Variants in CNOT2 observed in about 807,000 individuals in gnomAD.
CNOT2 encodes the protein CCR4-NOT transcription complex subunit 2, also known as CC chemokine receptor 4-negative regulator of transcription 2.
In CNOT2, 7 loss-of-function variants were observed where a neutral mutation model predicts 72.1. The ratio of observed to expected loss-of-function variants is 0.10; its 90% CI spans 0.06 to 0.18. The LOEUF (loss-of-function observed/expected upper bound fraction) is 0.18. CNOT2 is among the 10% of genes least tolerant of loss of function. CNOT2 has a pLI of 1.00. For synonymous variants in CNOT2, 196 were observed against 225.6 expected (o/e 0.87, Z 1.17); for missense variants, 345 against 660.3 (o/e 0.52, Z 5.23).
intron 15 of CNOT2, among the ~76,000 whole-genome samples, chr12:70,346,930 C>T (rs1882245247): frequency 6.8e-6 from 1 of 147,266 alleles, no homozygotes; most frequent in East Asian, 2.0e-4. Context: ...AGTGTCAATG[C>T]ATATTTCATA....
At chr12:70,284,838 G>C (rs907305696) in intron 2 of CNOT2, among the ~76,000 whole-genome samples, 3 of 152,158 alleles carry the variant, frequency 2.0e-5, no homozygotes, top group Non-Finnish European at 4.4e-5. Context: ...AGCACCCTTA[G>C]TGAATTGGTA....
chr12:70,274,364 T>G (rs1868402577), intron 1 of CNOT2, among the ~76,000 whole-genome samples: 1 of 152,092 alleles, frequency 6.6e-6, no homozygotes, highest in Non-Finnish European at 1.5e-5. Context: ...TGAGCTCCAG[T>G]GAAATCGGTC....
At chr12:70,250,987 C>T (rs1378197267) in intron 1 of CNOT2, among the ~76,000 whole-genome samples, 1 of 152,080 alleles carries the variant, frequency 6.6e-6, no homozygotes, top group Non-Finnish European at 1.5e-5. Context: ...TTGTTTTCTA[C>T]ATCAGATGAA....
At chr12:70,252,693 G>A (rs949310815) in intron 1 of CNOT2, among the ~76,000 whole-genome samples, 3 of 152,026 alleles carry the variant, frequency 2.0e-5, no homozygotes, top group African/African-American at 4.8e-5. Flanking sequence ...TGGAATCACC[G>A]TTGTACTGTT....
intron 15 of CNOT2, 115 bp downstream of exon 15, chr12:70,346,439 C>A: frequency 1.3e-6 from 1 of 791,686 alleles, no homozygotes; most frequent in Non-Finnish European, 2.0e-6. Flanking sequence ...CACATATTTG[C>A]CAACTGTTTA....
intron 1 of CNOT2, among the ~76,000 whole-genome samples, chr12:70,250,279 T>C (rs1958076845): frequency 6.6e-6 from 1 of 152,178 alleles, no homozygotes; most frequent in African/African-American, 2.4e-5. Context: ...TTCTGTGTAT[T>C]TTAAAAGTTC....
At chr12:70,294,784 A>G (rs1344071252) in intron 2 of CNOT2, among the ~76,000 whole-genome samples, 1 of 152,216 alleles carries the variant, frequency 6.6e-6, no homozygotes, top group Non-Finnish European at 1.5e-5. Context: ...ACAGAAATAG[A>G]AATTTCAAAC....
rs1869198944 is a variant in CNOT2 at position 70,278,282 on chromosome 12, C to T, written c.48+8C>T. On this transcript the variant is annotated splice_region_variant and intron_variant, in intron 2 of 15. Coordinates refer to ENST00000229195, the MANE Select transcript of CNOT2 (RefSeq NM_014515.7). ...GAGAAAAGAAACTACCAGGTAAGAC[C>T]AGTCTTTCTTCTTTTTTCTCTATTG... 4 of 1,591,942 alleles carry T rather than the reference C, an allele frequency of 2.5e-6. No individual in the cohort carries two copies. Among genetic ancestry groups the T allele is most frequent in the Non-Finnish European group, 3.4e-6 (4 of 1,160,202 alleles).
intron 15 of CNOT2, among the ~76,000 whole-genome samples, chr12:70,350,059 T>C (rs565622223): frequency 2.0e-5 from 3 of 152,246 alleles, no homozygotes; most frequent in African/African-American, 7.2e-5. Context: ...TATATACTCA[T>C]TAACTTTTTA....
intron 2 of CNOT2, 135 bp from the exon 3 acceptor site, chr12:70,310,760 C>T (rs967890028): frequency 1.6e-5 from 10 of 607,510 alleles, no homozygotes; most frequent in Admixed American, 6.4e-5. Context: ...TTATCACATG[C>T]GCCACTAGCC....
chr12:70,324,258 T>C lies in CNOT2; in HGVS notation c.238+4894T>C, dbSNP rs1878728671. 13 of 151,920 alleles carry C rather than the reference T, an allele frequency of 8.6e-5. No individual in the cohort carries two copies. In the South Asian group the frequency reaches 2.7e-3, roughly 31 times the overall value. The allele number at this position is 151,920 out of a possible 1,614,324, so 9.4% of individuals were successfully genotyped here. On this transcript the variant is annotated intron_variant, in intron 4 of 15. Coordinates refer to ENST00000229195, the MANE Select transcript of CNOT2 (RefSeq NM_014515.7). ...TAGAATGTATTCATTCTAATAATTA[T>C]GTATTTATTGGGTGCCTACAATGAA...
intron 4 of CNOT2, 92 bp downstream of exon 4, chr12:70,319,456 T>C: frequency 8.1e-7 from 1 of 1,231,246 alleles, no homozygotes; most frequent in South Asian, 1.3e-5. Context: ...CCTTTGTGGG[T>C]TTATTGTATG....
chr12:70,310,415 CTA>C (rs2135954344), intron 2 of CNOT2, among the ~76,000 whole-genome samples: 1 of 151,952 alleles, frequency 6.6e-6, no homozygotes, highest in East Asian at 1.9e-4. Flanking sequence ...TAGTATGCCA[CTA>C]TATATGCACT....
chr12:70,251,005 G>A (rs866274311), intron 1 of CNOT2, among the ~76,000 whole-genome samples: 2 of 152,246 alleles, frequency 1.3e-5, no homozygotes, highest in Non-Finnish European at 2.9e-5. Flanking sequence ...GAATTGCAGG[G>A]GTTGAGGGGT....
chr12:70,327,136 T>TA (rs1284419162), intron 4 of CNOT2, among the ~76,000 whole-genome samples: 2 of 151,876 alleles, frequency 1.3e-5, no homozygotes, highest in African/African-American at 2.4e-5. Context: ...TAACGATTGT[T>TA]AAAAGGGGGC....
In CNOT2 at chr12:70,339,049, T is replaced by C. The variant is rs149214889; in HGVS notation, c.1178+227T>C. Among the ~76,000 whole-genome samples the C allele has an allele frequency of 1.9e-3, 273 of 141,910 alleles. 6 individuals carry two copies. In the East Asian group the frequency reaches 0.048, roughly 25 times the overall value. The allele number at this position is 141,910 out of a possible 152,430, so 93.1% of individuals were successfully genotyped here. A position where few individuals can be genotyped will look rare whatever the true frequency, so the allele number is the denominator to read the frequency against. On this transcript the variant is annotated intron_variant, in intron 11 of 15. Transcript: ENST00000229195. ...GTGTGTGTGTGTGTGTGTGTGTGTGTGCATGTGCATGTATATATGTGTGTG... is the reference window on the plus strand; with the variant it reads ...GTGTGTGTGTGTGTGTGTGTGTGTGCGCATGTGCATGTATATATGTGTGTG...
In CNOT2 at chr12:70,341,550, T is replaced by C. The variant is rs79739428; in HGVS notation, c.1179-557T>C. 1.8e-3 allele frequency among the ~76,000 whole-genome samples: 268 copies of C among 152,288 alleles called. 1 individual carries two copies. The highest frequency in any genetic ancestry group is 6.3e-3 in the African/African-American group (263 of 41,554). ...ATTTATTCTGTTAATTGATTTTGTC[T>C]GTCCCCCTCCAATCCACCATCCTCA... On this transcript the variant is annotated intron_variant, in intron 11 of 15. Transcript: ENST00000229195.
At chr12:70,351,576 A>G (rs149248421) in intron 15 of CNOT2, among the ~76,000 whole-genome samples, 287 of 152,322 alleles carry the variant, frequency 1.9e-3, no homozygotes, top group African/African-American at 6.7e-3. Context: ...TTCTGGGGGA[A>G]AATGTACATT....
At chr12:70,287,929 C>A (rs1207417644) in intron 2 of CNOT2, among the ~76,000 whole-genome samples, 2 of 149,338 alleles carry the variant, frequency 1.3e-5, no homozygotes, top group Non-Finnish European at 3.0e-5. Context: ...TTGCTAAGAC[C>A]CTAAGGCACT....
Sources: allele counts gnomAD v4.1 joint callset (sites outside exome capture counted in the v4.1 genomes callset), GRCh38; gene constraint gnomAD v4.1.1; transcripts MANE v1.5; gene names NCBI Gene and HGNC (gene_info 2026-07-23, HGNC 2026-07-21).